Variants in C2CD2 observed in about 807,000 individuals in gnomAD.
The protein encoded by C2CD2 is C2 calcium dependent domain containing 2.
In C2CD2, 43 loss-of-function variants were observed where a neutral mutation model predicts 74.3. That is an observed-to-expected ratio of 0.58 (90% CI 0.45 to 0.75). C2CD2 has a LOEUF of 0.75. C2CD2 is among the 30% of genes least tolerant of loss of function. The pLI is 0.00. For synonymous variants in C2CD2, 422 were observed against 390.7 expected, an observed-to-expected ratio of 1.08 and a Z score of -0.94; for missense variants, 801 against 916.3, an observed-to-expected ratio of 0.87 and a Z score of 1.63.
intron 13 of C2CD2, 64 bp from the exon 14 acceptor site, chr21:41,889,408 C>A: frequency 8.9e-7 from 1 of 1,127,800 alleles, no homozygotes; most frequent in Non-Finnish European, 1.3e-6. Flanking sequence ...ATGACTGGTC[C>A]AATCGGACAA....
chr21:41,943,984 G>C (rs1200688715), intron 1 of C2CD2, among the ~76,000 whole-genome samples: 1 of 152,192 alleles, frequency 6.6e-6, no homozygotes, highest in African/African-American at 2.4e-5. Context: ...CTGTGCACCA[G>C]GCTCTCTGGC....
At chr21:41,947,141 C>CT (rs1569084407) in intron 1 of C2CD2, among the ~76,000 whole-genome samples, 15 of 20,128 alleles carry the variant, frequency 7.5e-4, no homozygotes, top group African/African-American at 3.0e-3. Flanking sequence ...TCTCTCTCTC[C>CT]CTCCCTCCCT....
intron 6 of C2CD2, among the ~76,000 whole-genome samples, chr21:41,914,002 C>T (rs139171369): frequency 0.029 from 4,351 of 152,132 alleles, 125 homozygotes; most frequent in South Asian, 0.11. Flanking sequence ...CTGAGGCGGG[C>T]GGATCACCTG....
At position 41,918,926 on chromosome 21, in the gene C2CD2, A is replaced by G; in HGVS notation, c.527T>C (p.Leu176Pro). The change falls in exon 4 of 14, where the codon CTC (leucine) becomes CCC (proline). Residue 176 changes from leucine (L) to proline (P), a missense_variant. Physicochemically the swap from Leu to Pro is moderately conservative, Grantham distance 98 (BLOSUM62 -3). Coordinates refer to ENST00000380486, the MANE Select transcript of C2CD2 (RefSeq NM_015500.2). ...ACTGATGAAAGACCAGCTAATCTGG[A>G]GGTCCTCTCTCTTCTCCTTCATGTG... Reference protein sequence around the residue: ...EFHMKEKREDLQISWSFISVP... With the variant: ...EFHMKEKREDPQISWSFISVP... 3.7e-6 allele frequency: 6 copies of G among 1,614,194 alleles called. No homozygotes were observed. Among genetic ancestry groups the G allele is most frequent in the Non-Finnish European group, 5.1e-6 (6 of 1,179,986 alleles).
At chr21:41,909,957 C>T (rs981697777) in intron 7 of C2CD2, among the ~76,000 whole-genome samples, 7 of 151,750 alleles carry the variant, frequency 4.6e-5, no homozygotes, top group Admixed American at 4.6e-4. Context: ...GATATACCTC[C>T]CTCCTCCTTC....
chr21:41,908,775 T>C (rs1391210945), intron 8 of C2CD2: 3 of 152,204 alleles, frequency 2.0e-5, no homozygotes, highest in Middle Eastern at 3.2e-3. Context: ...TTTTACAATC[T>C]AAGAAAATAT....
At chr21:41,911,338 A>T (rs2065023135) in intron 7 of C2CD2, among the ~76,000 whole-genome samples, 1 of 144,480 alleles carries the variant, frequency 6.9e-6, no homozygotes, top group Non-Finnish European at 1.5e-5. Context: ...TTTATTTATG[A>T]TTCTTACCCC....
At chr21:41,933,261 T>G (rs1291775823) in intron 2 of C2CD2, among the ~76,000 whole-genome samples, 1 of 75,514 alleles carries the variant, frequency 1.3e-5, no homozygotes, top group Non-Finnish European at 3.4e-5. Context: ...TCTGTTACAG[T>G]TTTTTTTTTT....
In C2CD2 at chr21:41,899,436, C is replaced by G; in HGVS notation, c.1561-74G>C. The G allele has an allele frequency of 7.5e-7, 1 of 1,340,848 alleles. No individual in the cohort carries two copies. The highest frequency in any genetic ancestry group is 1.3e-5 in the South Asian group (1 of 77,086). 83.1% of individuals were successfully genotyped at this position (1,340,848 alleles called of 1,614,324 possible). A position where few individuals can be genotyped will look rare whatever the true frequency, so the allele number is the denominator to read the frequency against. ...AGGGTTTGAAAAGAACTGAAAAGCA[C>G]TCTCCAAAACATTCTGACAGCTGAT... On this transcript the variant is annotated intron_variant, in intron 12 of 13. Coordinates refer to ENST00000380486, the MANE Select transcript of C2CD2 (RefSeq NM_015500.2). The surrounding 1 kb of genome is among the most constrained non-coding windows in gnomAD (Gnocchi z 4.4).
chr21:41,897,196 G>A (rs2064833871), intron 13 of C2CD2, among the ~76,000 whole-genome samples: 1 of 152,222 alleles, frequency 6.6e-6, no homozygotes, highest in Admixed American at 6.5e-5. Flanking sequence ...AAACCAGACA[G>A]GGGGAAGGAG....
chr21:41,947,204 C>G (rs1351387580), intron 1 of C2CD2, among the ~76,000 whole-genome samples: 1 of 136,754 alleles, frequency 7.3e-6, no homozygotes, highest in Non-Finnish European at 1.5e-5. Context: ...GTTGCCCAGG[C>G]TGGAGTGCAA....
chr21:41,896,967 C>T (rs947963562), intron 13 of C2CD2, among the ~76,000 whole-genome samples: 2 of 152,326 alleles, frequency 1.3e-5, no homozygotes, highest in Middle Eastern at 3.4e-3. Flanking sequence ...AGGAGTGAAA[C>T]GCACGGCACG....
chr21:41,941,956 C>T (rs961853286), intron 2 of C2CD2, among the ~76,000 whole-genome samples, 191 bp downstream of exon 2: 14 of 152,200 alleles, frequency 9.2e-5, no homozygotes, highest in Non-Finnish European at 2.1e-4. Flanking sequence ...CTTTTGAAGG[C>T]GGAATAACGT....
At chr21:41,927,774 T>C (rs2065227942) in intron 2 of C2CD2, among the ~76,000 whole-genome samples, 1 of 152,144 alleles carries the variant, frequency 6.6e-6, no homozygotes, top group Non-Finnish European at 1.5e-5. Flanking sequence ...CGGCCAAAGA[T>C]GTATTTTTAT....
intron 13 of C2CD2, among the ~76,000 whole-genome samples, chr21:41,898,177 G>T (rs542027940): frequency 6.6e-6 from 1 of 152,198 alleles, no homozygotes; most frequent in Non-Finnish European, 1.5e-5. Flanking sequence ...CCCCACACAA[G>T]AGCCAGAGCC....
chr21:41,924,386 G>A lies in C2CD2; in HGVS notation c.379-2301C>T, dbSNP rs370596090. Among the ~76,000 whole-genome samples, 141 of 152,242 alleles carry A rather than the reference G, an allele frequency of 9.3e-4. No homozygotes were observed. Among genetic ancestry groups the A allele is most frequent in the African/African-American group, 3.3e-3 (139 of 41,538 alleles). The stretch of plus-strand genomic sequence containing the variant: ...CACAGAGCTAGAAAAAGAAAATCCT[G>A]CCTTCTCTCAATATTGGCAGAAAGT... On this transcript the variant is annotated intron_variant, in intron 2 of 13. Coordinates refer to ENST00000380486, the MANE Select transcript of C2CD2 (RefSeq NM_015500.2). The surrounding 1 kb of genome is among the most constrained non-coding windows in gnomAD (Gnocchi z 4.4).
rs2065470337 is a variant in C2CD2, at chr21:41,953,700, A to AACGGCGGACTCAGGACACGCGCTG, written c.-76_-53dup. 1 of 1,332,178 alleles carries AACGGCGGACTCAGGACACGCGCTG rather than the reference A, an allele frequency of 7.5e-7. No individual in the cohort carries two copies. The highest frequency in any genetic ancestry group is 1.9e-5 in the South Asian group (1 of 53,708). The allele number at this position is 1,332,178 out of a possible 1,614,324, so 82.5% of individuals were successfully genotyped here. ...AACTTCCCCGGCAGCCCCGGGCCGG[A>AACGGCGGACTCAGGACACGCGCTG]ACGGCGGACTCAGGACACGCGCTGG... On this transcript the variant is annotated 5_prime_UTR_variant, in exon 1 of 14. Coordinates refer to ENST00000380486, the MANE Select transcript of C2CD2 (RefSeq NM_015500.2).
rs571169401 is a variant in C2CD2, at chr21:41,907,749, A to T, written c.1054T>A (p.Phe352Ile). 6.2e-7 allele frequency: 1 copy of T among 1,613,838 alleles called. No individual in the cohort carries two copies. The highest frequency in any genetic ancestry group is 8.5e-7 in the Non-Finnish European group (1 of 1,179,920). Residue 352 changes from phenylalanine (F) to isoleucine (I), a missense_variant, in exon 9 of 14, where the codon TTT (phenylalanine) becomes ATT (isoleucine). Physicochemically the swap from Phe to Ile is conservative, Grantham distance 21. Coordinates refer to ENST00000380486, the MANE Select transcript of C2CD2 (RefSeq NM_015500.2). Reference sequence around the variant, plus strand: ...TGTGGCCCAGAAGGCTGCTTCTTAAATAAGTCCAGAGGAACTGTCGCCGTC... The same window carrying T: ...TGTGGCCCAGAAGGCTGCTTCTTAATTAAGTCCAGAGGAACTGTCGCCGTC... ...LATATVPLDL[F>I]KKQPSGPQSF... is the part of the protein sequence containing the mutation.
chr21:41,920,096 A>G (rs1200283051), intron 3 of C2CD2, among the ~76,000 whole-genome samples: 1 of 152,110 alleles, frequency 6.6e-6, no homozygotes, highest in African/African-American at 2.4e-5. Context: ...AGAAAATGGA[A>G]CTCAGTCCCG....
Sources: gnomAD v4.1 joint callset for allele counts (sites outside exome capture counted in the v4.1 genomes callset) on GRCh38, gnomAD v4.1.1 for gene constraint, Gnocchi (gnomAD v3.1) non-coding constraint, MANE v1.5 for transcripts, NCBI Gene and HGNC (gene_info 2026-07-23, HGNC 2026-07-21) for gene names.